The following PECAM1 variants were observed in gnomAD, a reference collection of about 807,000 sequenced individuals.
PECAM1 encodes the protein platelet and endothelial cell adhesion molecule 1, also known as platelet endothelial cell adhesion molecule.
A neutral mutation model predicts 13.8 loss-of-function variants in PECAM1; 8 were observed. That is an observed-to-expected ratio of 0.58 (90% CI 0.34 to 1.05). The LOEUF (loss-of-function observed/expected upper bound fraction) is 1.05, where lower values mean the gene tolerates loss of function less well. PECAM1 is among the 50% of genes least tolerant of loss of function. The pLI is 0.03. For synonymous variants in PECAM1, 136 were observed against 52.6 expected (o/e 2.58, Z -6.86); for missense variants, 304 against 141.2 (o/e 2.15, Z -5.84).
intron 7 of PECAM1, among the ~76,000 whole-genome samples, chr17:64,357,607 G>A (rs8076905): frequency 0.015 from 2,326 of 152,244 alleles, 56 homozygotes; most frequent in African/African-American, 0.052. Context: ...GCCAAGCTCC[G>A]GGCCTGGGAC....
chr17:64,389,782 T>C (rs1248747080), intron 2 of PECAM1, among the ~76,000 whole-genome samples: 1 of 152,090 alleles, frequency 6.6e-6, no homozygotes, highest in African/African-American at 2.4e-5. Context: ...GCGCGGTGGC[T>C]CACACCTGTA....
intron 15 of PECAM1, 127 bp from the exon 16 acceptor site, chr17:64,323,972 G>A (rs576294166): frequency 1.0e-5 from 8 of 798,154 alleles, no homozygotes; most frequent in Middle Eastern, 2.2e-4. Context: ...TCACACACTG[G>A]TCCCCCACCC....
chr17:64,350,532 T>A (rs2035694382), intron 11 of PECAM1, 99 bp from the exon 12 acceptor site: 1 of 409,476 alleles, frequency 2.4e-6, no homozygotes, highest in African/African-American at 2.1e-5. Flanking sequence ...AAGCCTGATT[T>A]ATTCAGTGTA....
chr17:64,375,916 C>A (rs1206238298), intron 3 of PECAM1, among the ~76,000 whole-genome samples: 1 of 152,102 alleles, frequency 6.6e-6, no homozygotes, highest in African/African-American at 2.4e-5. Context: ...ATACAGTGGA[C>A]TTTGGGGACT....
At chr17:64,387,253 C>T (rs1482454896) in intron 2 of PECAM1, among the ~76,000 whole-genome samples, 4 of 152,100 alleles carry the variant, frequency 2.6e-5, no homozygotes, top group African/African-American at 9.7e-5. Context: ...TCCTTGGTGA[C>T]CCCTCAGCAA....
rs992222959 is a variant in PECAM1, at chr17:64,388,792, G to A, written c.91+1697C>T. Among the ~76,000 whole-genome samples the A allele has an allele frequency of 7.9e-3, 1,197 of 152,196 alleles. 24 individuals carry two copies. Among genetic ancestry groups the A allele is most frequent in the African/African-American group, 0.027 (1,122 of 41,518 alleles). ...AGCAATTCTCATGCCCCTGCCTCCC[G>A]AGTAGCTGGGATTACAGGCATGTGC... is the stretch of plus-strand genomic sequence containing the variant. On this transcript the variant is annotated intron_variant, in intron 2 of 15. Transcript: ENST00000563924.
chr17:64,357,649 C>T (rs1305546339), intron 7 of PECAM1, among the ~76,000 whole-genome samples: 3 of 152,198 alleles, frequency 2.0e-5, no homozygotes, highest in Non-Finnish European at 4.4e-5. Flanking sequence ...TCCCACCACC[C>T]ACCAGCTGTC....
intron 14 of PECAM1, among the ~76,000 whole-genome samples, chr17:64,336,656 G>A (rs60755465): frequency 0.54 from 82,753 of 151,998 alleles, 24,091 homozygotes; most frequent in East Asian, 0.68. Context: ...AGGCCAAGGC[G>A]GGCAGATCAC....
intron 2 of PECAM1, among the ~76,000 whole-genome samples, chr17:64,388,695 T>A (rs1336907208): frequency 6.6e-6 from 1 of 152,242 alleles, no homozygotes; most frequent in East Asian, 1.9e-4. Context: ...TGAGACAAAG[T>A]CCTGCTCCGT....
At chr17:64,364,115 C>T (rs2036048008) in intron 5 of PECAM1, among the ~76,000 whole-genome samples, 1 of 152,054 alleles carries the variant, frequency 6.6e-6, no homozygotes, top group Admixed American at 6.6e-5. Flanking sequence ...GAATCAAATA[C>T]ACGCAATAAA....
chr17:64,338,239 ATTTTT>A (rs149206249), intron 14 of PECAM1, among the ~76,000 whole-genome samples: 1 of 108,806 alleles, frequency 9.2e-6, no homozygotes, highest in Admixed American at 1.0e-4. Flanking sequence ...ATTTTTTAAA[ATTTTT>A]TTTTTTTTTT....
intron 5 of PECAM1, among the ~76,000 whole-genome samples, chr17:64,368,954 T>TC (rs2036175953): frequency 7.5e-6 from 1 of 133,256 alleles, no homozygotes; most frequent in South Asian, 2.7e-4. Context: ...TTTTTTTTTT[T>TC]GAGACAGAGT....
At chr17:64,357,000 G>A (rs925814853) in intron 7 of PECAM1, among the ~76,000 whole-genome samples, 25 of 152,192 alleles carry the variant, frequency 1.6e-4, no homozygotes, top group Non-Finnish European at 3.1e-4. Context: ...ACGTCCCTGA[G>A]TCCCCTGCTG....
chr17:64,356,516 C>T (rs1014546091), intron 7 of PECAM1, 118 bp from the exon 8 acceptor site: 315 of 402,726 alleles, frequency 7.8e-4, no homozygotes, highest in African/African-American at 6.1e-3. Flanking sequence ...CTCTTATCAC[C>T]CAGGCTGGAG....
intron 10 of PECAM1, among the ~76,000 whole-genome samples, chr17:64,352,940 A>G (rs2035761480): frequency 6.6e-6 from 1 of 152,018 alleles, no homozygotes; most frequent in African/African-American, 2.4e-5. Flanking sequence ...GCGAGCCACC[A>G]TGCTTGGCGG....
At chr17:64,387,970 C>T (rs1470372694) in intron 2 of PECAM1, among the ~76,000 whole-genome samples, 6 of 152,198 alleles carry the variant, frequency 3.9e-5, no homozygotes, top group Non-Finnish European at 5.9e-5. Context: ...TTCCAGCCGC[C>T]GCCCTGCCCA....
chr17:64,349,888 GA>G (rs1197891209), intron 12 of PECAM1, among the ~76,000 whole-genome samples: 2 of 151,666 alleles, frequency 1.3e-5, no homozygotes, highest in Non-Finnish European at 2.9e-5. Flanking sequence ...CTTGTCTCAA[GA>G]AAAAAACAAA....
intron 2 of PECAM1, among the ~76,000 whole-genome samples, chr17:64,378,357 T>A (rs925995983): frequency 6.6e-6 from 1 of 152,130 alleles, no homozygotes; most frequent in Non-Finnish European, 1.5e-5. Context: ...GATAAAGATG[T>A]AGAGCTAGGT....
At chr17:64,353,974 C>G (rs1270825908) in intron 9 of PECAM1, among the ~76,000 whole-genome samples, 1 of 143,778 alleles carries the variant, frequency 7.0e-6, no homozygotes, top group Non-Finnish European at 1.5e-5. Context: ...GAGTCTTGCT[C>G]TGTTGCCCAG....
Sources: gnomAD v4.1 joint callset for allele counts (sites outside exome capture counted in the v4.1 genomes callset) on GRCh38, gnomAD v4.1.1 for gene constraint, MANE v1.5 for transcripts, NCBI Gene and HGNC (gene_info 2026-07-23, HGNC 2026-07-21) for gene names.